CSMD1: variants seen among roughly 807,000 people sequenced by gnomAD.
The protein encoded by CSMD1 is CUB and sushi domain-containing protein 1.
In CSMD1, 213 loss-of-function variants were observed where a neutral mutation model predicts 417.5. That is an observed-to-expected ratio of 0.51 (90% CI 0.46 to 0.57). The LOEUF (loss-of-function observed/expected upper bound fraction) is 0.57. CSMD1 is among the 20% of genes least tolerant of loss of function. The pLI is 0.00. For missense variants in CSMD1, 6,923 were observed against 4,529.7 expected (o/e 1.53, Z -15.17); for synonymous variants, 2,862 against 1,736.8 (o/e 1.65, Z -16.11).
chr8:4,915,778 C>G (rs796514948), intron 1 of CSMD1, among the ~76,000 whole-genome samples: 10 of 152,242 alleles, frequency 6.6e-5, no homozygotes, highest in Non-Finnish European at 1.5e-4. Context: ...AAACTTTTAG[C>G]AGAGACACTT....
chr8:3,540,332 G>A (rs1435768004), intron 10 of CSMD1, among the ~76,000 whole-genome samples: 1 of 152,120 alleles, frequency 6.6e-6, no homozygotes, highest in Non-Finnish European at 1.5e-5. Context: ...TGGAAATCTT[G>A]CATCACAACA....
At chr8:3,483,229 A>T (rs955603934) in intron 11 of CSMD1, among the ~76,000 whole-genome samples, 1 of 152,132 alleles carries the variant, frequency 6.6e-6, no homozygotes, top group Non-Finnish European at 1.5e-5. Flanking sequence ...ACACTTGCAG[A>T]AAGTCAGAAA....
At chr8:4,116,141 G>C (rs190608870) in intron 3 of CSMD1, among the ~76,000 whole-genome samples, 1 of 151,812 alleles carries the variant, frequency 6.6e-6, no homozygotes, top group Non-Finnish European at 1.5e-5. Context: ...TTACAGGCGC[G>C]TACCACCGCA....
chr8:4,155,535 T>G (rs1003575216), intron 3 of CSMD1, among the ~76,000 whole-genome samples: 1 of 152,180 alleles, frequency 6.6e-6, no homozygotes, highest in East Asian at 1.9e-4. Flanking sequence ...GTTAAAAAAG[T>G]TAAGTCTTAG....
chr8:3,275,834 A>T (rs565582923), intron 26 of CSMD1, among the ~76,000 whole-genome samples: 2 of 151,650 alleles, frequency 1.3e-5, no homozygotes, highest in South Asian at 2.1e-4. Context: ...ATTCTTCTAA[A>T]CTTTTTTCAT....
At chr8:3,250,682 A>G (rs190249897) in intron 26 of CSMD1, among the ~76,000 whole-genome samples, 9 of 152,214 alleles carry the variant, frequency 5.9e-5, no homozygotes, top group Non-Finnish European at 1.2e-4. Flanking sequence ...CCAACAGTGT[A>G]AAAGTGTTCC....
chr8:3,618,077 C>T (rs1374636060), intron 7 of CSMD1, among the ~76,000 whole-genome samples: 1 of 152,090 alleles, frequency 6.6e-6, no homozygotes, highest in Non-Finnish European at 1.5e-5. Flanking sequence ...TCATGGATCA[C>T]TGCAGCCTCA....
intron 31 of CSMD1, among the ~76,000 whole-genome samples, chr8:3,202,177 A>C (rs1270133125): frequency 2.0e-5 from 3 of 152,212 alleles, no homozygotes; most frequent in African/African-American, 7.2e-5. Context: ...CAAGAAAAAA[A>C]AGAATATCTG....
intron 3 of CSMD1, among the ~76,000 whole-genome samples, chr8:4,233,411 G>T (rs1192137696): frequency 6.6e-6 from 1 of 152,174 alleles, no homozygotes; most frequent in African/African-American, 2.4e-5. Context: ...CAAAATTCAT[G>T]TGTTGAAAAC....
intron 33 of CSMD1, among the ~76,000 whole-genome samples, chr8:3,190,843 G>T (rs1359425256): frequency 6.6e-6 from 1 of 152,196 alleles, no homozygotes; most frequent in Non-Finnish European, 1.5e-5. Context: ...CGTGCTAAGT[G>T]AAATAAGCAA....
chr8:3,579,055 T>G lies in CSMD1; in HGVS notation c.1223-3989A>C, dbSNP rs566009661. Among the ~76,000 whole-genome samples the G allele has an allele frequency of 2.0e-5, 3 of 152,362 alleles. No homozygotes were observed. The East Asian group carries it at 5.8e-4, about 29-fold the overall frequency. On this transcript the variant is annotated intron_variant, in intron 9 of 69. Transcript: ENST00000635120. ...TCACCGACATGCTTGATAAAGGTAC[T>G]TGGATAATAACTACGACCTAATGTA...
intron 1 of CSMD1, among the ~76,000 whole-genome samples, chr8:4,870,697 T>C (rs997849360): frequency 6.6e-6 from 1 of 152,126 alleles, no homozygotes; most frequent in Non-Finnish European, 1.5e-5. Flanking sequence ...AGGGAAGATG[T>C]CACGGGACAA....
chr8:4,872,834 T>C (rs899909747), intron 1 of CSMD1, among the ~76,000 whole-genome samples: 5 of 152,102 alleles, frequency 3.3e-5, no homozygotes, highest in African/African-American at 1.2e-4. Flanking sequence ...ATGAAACAAG[T>C]TGAAATTTGA....
intron 49 of CSMD1, among the ~76,000 whole-genome samples, chr8:3,075,508 C>G: frequency 6.6e-6 from 1 of 151,470 alleles, no homozygotes; most frequent in Non-Finnish European, 1.5e-5. Flanking sequence ...CTCGAACTCC[C>G]AACCTCAGCT....
At chr8:4,561,354 C>A (rs942646867) in intron 2 of CSMD1, among the ~76,000 whole-genome samples, 2 of 152,170 alleles carry the variant, frequency 1.3e-5, no homozygotes, top group Non-Finnish European at 2.9e-5. Context: ...AGCCCGGTGA[C>A]AGAATGAGAC....
At chr8:4,769,970 A>G (rs1796520072) in intron 1 of CSMD1, among the ~76,000 whole-genome samples, 1 of 152,136 alleles carries the variant, frequency 6.6e-6, no homozygotes, top group Non-Finnish European at 1.5e-5. Context: ...CAAAAGCAAA[A>G]GCTGGACAGA....
intron 10 of CSMD1, among the ~76,000 whole-genome samples, chr8:3,572,087 T>C (rs1799968080): frequency 6.6e-6 from 1 of 152,264 alleles, no homozygotes; most frequent in East Asian, 1.9e-4. Flanking sequence ...CCTGCAGGCA[T>C]TTGGCTCCAT....
chr8:4,656,302 A>G (rs566868721), intron 1 of CSMD1, among the ~76,000 whole-genome samples: 14 of 152,128 alleles, frequency 9.2e-5, no homozygotes, highest in African/African-American at 3.4e-4. Flanking sequence ...GCAGGAGGAA[A>G]AGACATCTGA....
intron 3 of CSMD1, among the ~76,000 whole-genome samples, chr8:4,183,980 G>A (rs1232890262): frequency 6.6e-6 from 1 of 152,144 alleles, no homozygotes; most frequent in African/African-American, 2.4e-5. Flanking sequence ...AATTCTCAGA[G>A]CCTCCGACAG....
Sources: gnomAD v4.1 joint callset for allele counts (sites outside exome capture counted in the v4.1 genomes callset) on GRCh38, gnomAD v4.1.1 for gene constraint, MANE v1.5 for transcripts, NCBI Gene and HGNC (gene_info 2026-07-23, HGNC 2026-07-21) for gene names.